The following BTG4 variants were observed in gnomAD, a reference collection of about 807,000 sequenced individuals.
BTG4 encodes protein BTG4.
Under a neutral mutation model 19.3 loss-of-function variants are expected in BTG4, and 10 were observed. The ratio of observed to expected loss-of-function variants is 0.52; its 90% CI spans 0.32 to 0.88. BTG4 has a LOEUF of 0.88. Among genes scored for constraint, BTG4 ranks in the 40% least tolerant of loss-of-function variants. The pLI is 0.04. For missense variants in BTG4, 238 were observed against 281.9 expected (o/e 0.84, Z 1.11); for synonymous variants, 91 against 95.7 (o/e 0.95, Z 0.29).
the BTG4 span, chr11:111,455,777 C>T: frequency 1.3e-5 from 6 of 450,832 alleles, no homozygotes; most frequent in Non-Finnish European, 2.2e-5. Flanking sequence ...CAGCTGGACA[C>T]GGTGCTGGGC....
chr11:111,434,221 TA>T, the BTG4 span, among the ~76,000 whole-genome samples: 3 of 152,034 alleles, frequency 2.0e-5, no homozygotes, highest in Non-Finnish European at 4.4e-5. Context: ...TATGCAGCCA[TA>T]AAAAAAGGAT....
chr11:111,389,895 T>C, the BTG4 span, among the ~76,000 whole-genome samples: 7 of 152,214 alleles, frequency 4.6e-5, no homozygotes, highest in South Asian at 6.2e-4. Flanking sequence ...AGGAGTTCCA[T>C]GTGTGCCTTC....
At chr11:111,425,514 C>T in the BTG4 span, among the ~76,000 whole-genome samples, 5 of 152,030 alleles carry the variant, frequency 3.3e-5, no homozygotes, top group Admixed American at 2.0e-4. Flanking sequence ...TTATGATCAG[C>T]GCCTTTTAGA....
chr11:111,447,693 A>G, the BTG4 span, among the ~76,000 whole-genome samples: 13,278 of 152,274 alleles, frequency 0.087, 841 homozygotes, highest in African/African-American at 0.18. Flanking sequence ...GGTTCCCGGA[A>G]GACAGGGAGG....
chr11:111,504,152 A>C (rs1185036374), intron 1 of BTG4, among the ~76,000 whole-genome samples: 1 of 152,072 alleles, frequency 6.6e-6, no homozygotes, highest in Non-Finnish European at 1.5e-5. Context: ...AAAGGTATAG[A>C]TGTTTTAGCA....
chr11:111,502,586 A>T (rs1016664993), intron 1 of BTG4, among the ~76,000 whole-genome samples: 2 of 152,212 alleles, frequency 1.3e-5, no homozygotes, highest in African/African-American at 4.8e-5. Context: ...CTCCTTGTAT[A>T]CTGCTGAAAT....
intron 5 of BTG4, among the ~76,000 whole-genome samples, chr11:111,476,108 A>G (rs1053023191): frequency 1.4e-5 from 2 of 147,816 alleles, no homozygotes; most frequent in Non-Finnish European, 3.0e-5. Flanking sequence ...AAACCATATC[A>G]TGCACCAAGA....
chr11:111,438,160 A>C, the BTG4 span, among the ~76,000 whole-genome samples: 2 of 152,224 alleles, frequency 1.3e-5, no homozygotes, highest in South Asian at 4.1e-4. Flanking sequence ...CAGACGGGAC[A>C]CAGAGGTCTC....
chr11:111,491,750 AG>A (rs1182225256), downstream of BTG4, among the ~76,000 whole-genome samples: 3,260 of 148,696 alleles, frequency 0.022, 57 homozygotes, highest in Middle Eastern at 0.076. Context: ...AAAAAAAAAA[AG>A]AAAGAAAGAA....
chr11:111,497,121 G>T, intron 4 of BTG4, 90 bp downstream of exon 4: 1 of 1,299,232 alleles, frequency 7.7e-7, no homozygotes, highest in Non-Finnish European at 1.1e-6. Context: ...TTCTTTCCAT[G>T]TTTTTTTGCT....
intron 5 of BTG4, among the ~76,000 whole-genome samples, chr11:111,479,465 G>A (rs1404191154): frequency 1.3e-5 from 2 of 151,882 alleles, no homozygotes; most frequent in Non-Finnish European, 2.9e-5. Context: ...AAAGAGCTAA[G>A]AATATATCAA....
At chr11:111,435,221 C>G in the BTG4 span, among the ~76,000 whole-genome samples, 1 of 152,204 alleles carries the variant, frequency 6.6e-6, no homozygotes, top group Non-Finnish European at 1.5e-5. Context: ...CACCCAGCAA[C>G]CCTGTCCCGT....
chr11:111,457,930 G>T, the BTG4 span: 1 of 152,600 alleles, frequency 6.6e-6, no homozygotes, highest in Non-Finnish European at 1.5e-5. Flanking sequence ...CACTGAGCAG[G>T]AAGACAGTCC....
chr11:111,452,062 A>G, the BTG4 span, among the ~76,000 whole-genome samples: 1 of 152,104 alleles, frequency 6.6e-6, no homozygotes, highest in Non-Finnish European at 1.5e-5. Flanking sequence ...CCACCTATGC[A>G]TGGTTTTATC....
chr11:111,428,545 C>T, the BTG4 span, among the ~76,000 whole-genome samples: 1 of 152,184 alleles, frequency 6.6e-6, no homozygotes. Flanking sequence ...AGACTGACAG[C>T]GGACCTGGGG....
At chr11:111,447,349 G>A in the BTG4 span, among the ~76,000 whole-genome samples, 3 of 152,206 alleles carry the variant, frequency 2.0e-5, no homozygotes, top group Non-Finnish European at 4.4e-5. Flanking sequence ...ACTGGGAGAA[G>A]AGAACTAAAT....
At chr11:111,443,746 G>A in the BTG4 span, among the ~76,000 whole-genome samples, 2 of 152,170 alleles carry the variant, frequency 1.3e-5, no homozygotes, top group Non-Finnish European at 2.9e-5. Flanking sequence ...GGGATACAGT[G>A]AAAGTCAGAC....
At chr11:111,444,759 A>AT in the BTG4 span, among the ~76,000 whole-genome samples, 1 of 152,102 alleles carries the variant, frequency 6.6e-6, no homozygotes, top group East Asian at 1.9e-4. Flanking sequence ...ATCAAATGAG[A>AT]TTTTTTTCAG....
chr11:111,435,326 C>T, the BTG4 span, among the ~76,000 whole-genome samples: 4 of 152,060 alleles, frequency 2.6e-5, no homozygotes, highest in Non-Finnish European at 4.4e-5. Flanking sequence ...AGAGAGAATC[C>T]AAGGTCTCTT....
Sources: gnomAD v4.1 joint callset for allele counts (sites outside exome capture counted in the v4.1 genomes callset) on GRCh38, gnomAD v4.1.1 for gene constraint, MANE v1.5 for transcripts, NCBI Gene and HGNC (gene_info 2026-07-23, HGNC 2026-07-21) for gene names.